MATCAP2: variants seen among roughly 807,000 people sequenced by gnomAD.
MATCAP2 encodes putative tyrosine carboxypeptidase MATCAP2.
At chr7:36,380,222 G>C in the MATCAP2 span, among the ~76,000 whole-genome samples, 4 of 152,218 alleles carry the variant, frequency 2.6e-5, no homozygotes, top group African/African-American at 7.2e-5. Flanking sequence ...GGAATGAACA[G>C]CAGGTGATTG....
chr7:36,377,719 GCA>G, the MATCAP2 span, among the ~76,000 whole-genome samples: 1 of 152,040 alleles, frequency 6.6e-6, no homozygotes, highest in African/African-American at 2.4e-5. Flanking sequence ...TCCATTCTCC[GCA>G]TCACTTTCAG....
At chr7:36,383,882 G>A in the MATCAP2 span, 2 of 1,604,600 alleles carry the variant, frequency 1.2e-6, no homozygotes, top group African/African-American at 1.3e-5. Flanking sequence ...CTTGAGTTTA[G>A]CTCTTCTTGC....
the MATCAP2 span, among the ~76,000 whole-genome samples, chr7:36,373,717 T>A: frequency 6.6e-6 from 1 of 152,174 alleles, no homozygotes; most frequent in Non-Finnish European, 1.5e-5. Flanking sequence ...AGTGCCATTA[T>A]TACAGGAGTG....
chr7:36,365,174 A>G, the MATCAP2 span, among the ~76,000 whole-genome samples: 2 of 152,222 alleles, frequency 1.3e-5, no homozygotes, highest in Non-Finnish European at 2.9e-5. Context: ...ATTTATTTGT[A>G]TCTCTACAAT....
At chr7:36,386,048 G>C in the MATCAP2 span, among the ~76,000 whole-genome samples, 1 of 151,874 alleles carries the variant, frequency 6.6e-6, no homozygotes, top group Non-Finnish European at 1.5e-5. Flanking sequence ...CCAGCTACTT[G>C]GGAGGCTGAG....
chr7:36,330,200 C>T, the MATCAP2 span, among the ~76,000 whole-genome samples: 1 of 151,964 alleles, frequency 6.6e-6, no homozygotes, highest in Non-Finnish European at 1.5e-5. Context: ...ACCCTCCCAC[C>T]TCAGCTTCCC....
At chr7:36,373,676 C>T in the MATCAP2 span, among the ~76,000 whole-genome samples, 2 of 152,024 alleles carry the variant, frequency 1.3e-5, no homozygotes, top group Admixed American at 1.3e-4. Flanking sequence ...GGACTCTTGG[C>T]CTCAAGCAGT....
At chr7:36,334,265 G>T in the MATCAP2 span, 1 of 957,402 alleles carries the variant, frequency 1.0e-6, no homozygotes, top group Non-Finnish European at 1.6e-6. Flanking sequence ...AGCCAGGCGC[G>T]GTGGCTCATG....
the MATCAP2 span, chr7:36,326,974 G>A: frequency 6.7e-7 from 1 of 1,490,880 alleles, no homozygotes; most frequent in Non-Finnish European, 9.1e-7. Flanking sequence ...TACATTTTAA[G>A]GATGAATTTC....
chr7:36,377,082 G>A, the MATCAP2 span, among the ~76,000 whole-genome samples: 3 of 151,838 alleles, frequency 2.0e-5, no homozygotes, highest in Admixed American at 6.6e-5. Context: ...TTTTAATTGG[G>A]GCATTTAGCC....
chr7:36,390,022 G>T, the MATCAP2 span: 1 of 1,613,956 alleles, frequency 6.2e-7, no homozygotes, highest in African/African-American at 1.3e-5. Flanking sequence ...CCGACGCCTG[G>T]GGCGATGGAT....
chr7:36,382,728 C>T, the MATCAP2 span, among the ~76,000 whole-genome samples: 12 of 152,242 alleles, frequency 7.9e-5, no homozygotes, highest in African/African-American at 2.6e-4. Context: ...CTCCTGACCT[C>T]GTGATCCACC....
chr7:36,373,767 G>A, the MATCAP2 span, among the ~76,000 whole-genome samples: 1 of 151,894 alleles, frequency 6.6e-6, no homozygotes, highest in African/African-American at 2.4e-5. Context: ...TATTCCAAGT[G>A]CAATCAGAAG....
chr7:36,343,598 A>G, the MATCAP2 span, among the ~76,000 whole-genome samples: 2 of 114,494 alleles, frequency 1.7e-5, no homozygotes, highest in African/African-American at 6.5e-5. Context: ...GGAGGTGGAA[A>G]GGAAGGAAAG....
At chr7:36,326,535 G>C in the MATCAP2 span, 1 of 329,522 alleles carries the variant, frequency 3.0e-6, no homozygotes, top group South Asian at 8.4e-5. Context: ...TGACTCTGTC[G>C]AGATTCAGAA....
the MATCAP2 span, among the ~76,000 whole-genome samples, chr7:36,343,174 A>G: frequency 1.7e-4 from 26 of 151,178 alleles, no homozygotes; most frequent in African/African-American, 6.3e-4. Flanking sequence ...CATCTTACAA[A>G]TTAATAAAAC....
chr7:36,350,350 C>A, the MATCAP2 span, among the ~76,000 whole-genome samples: 1 of 152,018 alleles, frequency 6.6e-6, no homozygotes, highest in Non-Finnish European at 1.5e-5. Flanking sequence ...ACACTATAAA[C>A]GCTAAAATCA....
At chr7:36,343,182 A>G in the MATCAP2 span, among the ~76,000 whole-genome samples, 1 of 150,430 alleles carries the variant, frequency 6.6e-6, no homozygotes, top group South Asian at 2.1e-4. Context: ...AAATTAATAA[A>G]ACCAATAATA....
chr7:36,328,409 T>G, the MATCAP2 span, among the ~76,000 whole-genome samples: 2 of 151,776 alleles, frequency 1.3e-5, no homozygotes, highest in East Asian at 3.9e-4. Context: ...AACTATAGTC[T>G]TCTGATCAAT....
Sources: gnomAD v4.1 joint callset for allele counts (sites outside exome capture counted in the v4.1 genomes callset) on GRCh38, gnomAD v4.1.1 for gene constraint, MANE v1.5 for transcripts, NCBI Gene and HGNC (gene_info 2026-07-23, HGNC 2026-07-21) for gene names.